Variants in PSMA4 observed in about 807,000 individuals in gnomAD.
PSMA4 encodes the protein proteasome subunit alpha type-4.
PSMA4 carries 8 observed loss-of-function variants against 37.2 expected under a neutral mutation model. That is an observed-to-expected ratio of 0.22 (90% CI 0.13 to 0.39). The LOEUF (loss-of-function observed/expected upper bound fraction) is 0.39. Among genes scored for constraint, PSMA4 ranks in the 10% least tolerant of loss-of-function variants. The pLI is 1.00. For missense variants in PSMA4, 169 were observed against 305.1 expected, an observed-to-expected ratio of 0.55 and a Z score of 3.32; for synonymous variants, 93 against 98.8, an observed-to-expected ratio of 0.94 and a Z score of 0.35.
At chr15:78,546,536 G>T (rs765619422) in intron 7 of PSMA4, 39 bp from the exon 8 acceptor site, 4 of 1,534,022 alleles carry the variant, frequency 2.6e-6, no homozygotes, top group Non-Finnish European at 3.5e-6. Flanking sequence ...TCTAAAAAAT[G>T]TAAAAACTTA....
chr15:78,545,554 C>T (rs1313643451), intron 6 of PSMA4, 80 bp from the exon 7 acceptor site: 3 of 1,477,892 alleles, frequency 2.0e-6, no homozygotes, highest in Non-Finnish European at 2.8e-6. Flanking sequence ...TAGGGTTTAG[C>T]TACCTTCACT....
In PSMA4 at chr15:78,546,570, T is replaced by C; in HGVS notation, c.508-5T>C. ...TAAAATTCTATGTTGATTCATGTTT[T>C]ATAGGCAGCTGTGTCAATGTTGAAA... On this transcript the variant is annotated splice_region_variant and splice_polypyrimidine_tract_variant and intron_variant, in intron 7 of 8. Transcript: ENST00000044462. 6 of 1,575,528 alleles carry C rather than the reference T, an allele frequency of 3.8e-6. No homozygotes were observed. Among genetic ancestry groups the C allele is most frequent in the Non-Finnish European group, 5.1e-6 (6 of 1,170,270 alleles).
chr15:78,541,877 T>C, intron 1 of PSMA4, 28 bp from the exon 2 acceptor site: 1 of 1,517,534 alleles, frequency 6.6e-7, no homozygotes, highest in Non-Finnish European at 9.1e-7. Context: ...AATCTTATTT[T>C]AATGATGATC....
intron 6 of PSMA4, 43 bp downstream of exon 6, chr15:78,545,000 A>C: frequency 7.1e-7 from 1 of 1,417,802 alleles, no homozygotes; most frequent in African/African-American, 1.4e-5. Flanking sequence ...AAGTTAAGAC[A>C]TTTTATGAGT....
rs1048573158 is a variant in PSMA4, at chr15:78,551,555, T to A, written c.*2611T>A. 2 of 151,978 alleles carry A rather than the reference T, an allele frequency of 1.3e-5. No homozygotes were observed. The highest frequency in any genetic ancestry group is 4.8e-5 in the African/African-American group (2 of 41,364). 9.4% of individuals were successfully genotyped at this position (151,978 alleles called of 1,614,324 possible). On this transcript the variant is annotated 3_prime_UTR_variant, in exon 9 of 9. Transcript: ENST00000044462. ...TTTCTATTCCCTATACATACCCTGT[T>A]GAGTTTTTCTCCATAGCACTCATCA...
intron 7 of PSMA4, among the ~76,000 whole-genome samples, chr15:78,546,368 G>T (rs781260931): frequency 3.3e-5 from 5 of 151,654 alleles, no homozygotes; most frequent in Non-Finnish European, 4.4e-5. Context: ...GAGCACCTGA[G>T]CCTGGGGAGA....
intron 5 of PSMA4, 177 bp from the exon 6 acceptor site, chr15:78,544,692 C>T: frequency 2.0e-6 from 1 of 491,246 alleles, no homozygotes; most frequent in Non-Finnish European, 3.6e-6. Context: ...TTCAACCAAA[C>T]TTACAAAATA....
At chr15:78,544,024 A>G in intron 4 of PSMA4, 166 bp from the exon 5 acceptor site, 1 of 555,558 alleles carries the variant, frequency 1.8e-6, no homozygotes, top group South Asian at 2.5e-5. Flanking sequence ...GACATCGAGT[A>G]AACATCTCCT....
At chr15:78,547,035 G>A (rs561732907) in intron 8 of PSMA4, among the ~76,000 whole-genome samples, 14 of 152,194 alleles carry the variant, frequency 9.2e-5, no homozygotes, top group Non-Finnish European at 1.5e-4. Context: ...CAAAGTGCTG[G>A]GATTACAGGC....
rs897340259 is a variant in PSMA4, at chr15:78,552,090, A to G, written c.*3146A>G. The stretch of plus-strand genomic sequence containing the variant: ...TAGTCTAGATTCTCACGCTAGCCCC[A>G]CTTTCGTCTGCTCTGTGGCATATTT... On this transcript the variant is annotated 3_prime_UTR_variant, in exon 9 of 9. Coordinates refer to ENST00000044462, the MANE Select transcript of PSMA4 (RefSeq NM_002789.6). The G allele has an allele frequency of 1.1e-4, 16 of 152,082 alleles. No individual in the cohort carries two copies. Among genetic ancestry groups the G allele is most frequent in the African/African-American group, 3.6e-4 (15 of 41,358 alleles). 9.4% of individuals were successfully genotyped at this position (152,082 alleles called of 1,614,324 possible).
intron 6 of PSMA4, 137 bp from the exon 7 acceptor site, chr15:78,545,497 T>C (rs761898245): frequency 9.7e-5 from 96 of 986,858 alleles, no homozygotes; most frequent in Non-Finnish European, 1.4e-4. Flanking sequence ...AGCTTATCTA[T>C]GGTAGCCAGA....
chr15:78,545,663 T>C lies in PSMA4; in HGVS notation c.406T>C (p.Tyr136His). The C allele has an allele frequency of 6.2e-7, 1 of 1,614,106 alleles. No individual in the cohort carries two copies. The highest frequency in any genetic ancestry group is 8.5e-7 in the Non-Finnish European group (1 of 1,179,934). ...GKRPFGVSLL[Y>H]IGWDKHYGFQ... ...ACGTCCCTTTGGTGTTTCATTGCTGTACATTGGCTGGGATAAGCACTATGG... is the reference window on the plus strand; with the variant it reads ...ACGTCCCTTTGGTGTTTCATTGCTGCACATTGGCTGGGATAAGCACTATGG... Residue 136 changes from tyrosine to histidine, a missense_variant, in exon 7 of 9, where the codon TAC becomes CAC. Transcript: ENST00000044462.
intron 3 of PSMA4, 81 bp from the exon 4 acceptor site, chr15:78,542,402 G>A (rs900984263): frequency 3.3e-6 from 5 of 1,505,228 alleles, no homozygotes; most frequent in Non-Finnish European, 4.5e-6. Flanking sequence ...TTTCTAGCTT[G>A]CTTCATTGCT....
chr15:78,545,540 A>C (rs2052537018), intron 6 of PSMA4, 94 bp from the exon 7 acceptor site: 2 of 1,380,944 alleles, frequency 1.4e-6, no homozygotes. Flanking sequence ...TTAAGTTCAC[A>C]GAGTAGGGTT....
intron 4 of PSMA4, chr15:78,543,964 C>T: frequency 4.6e-6 from 2 of 434,648 alleles, no homozygotes; most frequent in Non-Finnish European, 8.2e-6. Context: ...ATGATAAATA[C>T]ATCTATTAAA....
In PSMA4 at chr15:78,542,228, G is replaced by A; in HGVS notation, c.46+9G>A. The A allele has an allele frequency of 6.3e-7, 1 of 1,590,482 alleles. No homozygotes were observed. The highest frequency in any genetic ancestry group is 1.9e-5 in the Admixed American group (1 of 53,236). On this transcript the variant is annotated intron_variant, in intron 3 of 8. Transcript: ENST00000044462. Reference sequence around the variant, plus strand: ...TATATTTTCTCCAGAAGGTAAAATAGAAATTGTTTAATCTGCCTCAAGTTT... The same window carrying A: ...TATATTTTCTCCAGAAGGTAAAATAAAAATTGTTTAATCTGCCTCAAGTTT...
At chr15:78,541,983 T>TACTC in intron 2 of PSMA4, 53 bp downstream of exon 2, 1 of 1,569,538 alleles carries the variant, frequency 6.4e-7, no homozygotes, top group African/African-American at 1.4e-5. Context: ...GTATTGCTTG[T>TACTC]ACTCAGTTTA....
At chr15:78,547,950 C>G (rs1018111215) in intron 8 of PSMA4, among the ~76,000 whole-genome samples, 3 of 151,602 alleles carry the variant, frequency 2.0e-5, no homozygotes, top group Non-Finnish European at 4.4e-5. Context: ...CATTTACGGC[C>G]GGGCATATTG....
rs1017160330 is a variant in PSMA4 at position 78,549,669 on chromosome 15, G to T, written c.*725G>T. The T allele has an allele frequency of 6.6e-6, 1 of 152,234 alleles. No homozygotes were observed. The highest frequency in any genetic ancestry group is 6.5e-5 in the Admixed American group (1 of 15,286). The allele number at this position is 152,234 out of a possible 1,614,324, so 9.4% of individuals were successfully genotyped here. A position where few individuals can be genotyped will look rare whatever the true frequency, so the allele number is the denominator to read the frequency against. ...ATGCAGATTCTGATGTCCCATCCCA[G>T]ATCTACTGAATTAAAATCTCTGAGG... On this transcript the variant is annotated 3_prime_UTR_variant, in exon 9 of 9. Transcript: ENST00000044462.
Sources: allele counts gnomAD v4.1 joint callset (sites outside exome capture counted in the v4.1 genomes callset), GRCh38; gene constraint gnomAD v4.1.1; transcripts MANE v1.5; gene names NCBI Gene and HGNC (gene_info 2026-07-23, HGNC 2026-07-21).